The following PARVB variants were observed in gnomAD, a reference collection of about 807,000 sequenced individuals.
The protein encoded by PARVB is parvin beta.
Under a neutral mutation model 47.0 loss-of-function variants are expected in PARVB, and 46 were observed. That is an observed-to-expected ratio of 0.98 (90% CI 0.77 to 1.25). PARVB has a LOEUF of 1.25. Ranked by LOEUF, PARVB falls within the 50% of genes most tolerant of loss-of-function variation. The pLI, the probability that PARVB is intolerant of heterozygous loss-of-function variation, is 0.00. For synonymous variants in PARVB, 196 were observed against 196.3 expected (o/e 1.00, Z 0.01); for missense variants, 473 against 471.6 (o/e 1.00, Z -0.03).
chr22:44,119,726 G>T, intron 4 of PARVB: 1 of 509,442 alleles, frequency 2.0e-6, no homozygotes, highest in Non-Finnish European at 4.0e-6. Context: ...TGAAACAGAC[G>T]TGGTCCCTGT....
intron 1 of PARVB, among the ~76,000 whole-genome samples, chr22:44,056,184 G>A (rs2051307697): frequency 6.6e-6 from 1 of 152,248 alleles, no homozygotes; most frequent in Non-Finnish European, 1.5e-5. Context: ...CAGTAGCCTA[G>A]CTTTGGGGCA....
chr22:44,084,741 C>T (rs372239931), intron 1 of PARVB, among the ~76,000 whole-genome samples: 3 of 152,184 alleles, frequency 2.0e-5, no homozygotes, highest in East Asian at 3.9e-4. Context: ...ACTGTGTCCC[C>T]CGAGGCAGCC....
rs777649823 is a variant in PARVB at position 44,093,981 on chromosome 22, G to A, written c.166G>A (p.Ala56Thr). ...TGCCATCAACTCACCGATGTCCCCC[G>A]CCCTGGTGGATGTTCACCCTGAAGA... ...KNAINSPMSP[A>T]LVDVHPEDTQ... The change falls in exon 2 of 13, where the codon GCC becomes ACC. Residue 56 changes from alanine to threonine, a missense_variant. Transcript: ENST00000338758. 27 of 1,613,226 alleles carry A rather than the reference G, an allele frequency of 1.7e-5. No homozygotes were observed. Among genetic ancestry groups the A allele is most frequent in the South Asian group, 4.4e-5 (4 of 91,056 alleles).
rs1337043969 is a variant in PARVB, at chr22:44,114,388, A to G, written c.274-4650A>G. 2 of 141,254 alleles carry G rather than the reference A, an allele frequency of 1.4e-5. 1 individual carries two copies. Among genetic ancestry groups the G allele is most frequent in the East Asian group, 4.6e-4 (2 of 4,346 alleles). The allele number at this position is 141,254 out of a possible 1,614,324, so 8.8% of individuals were successfully genotyped here. ...ACTAACTAAGGCCCTGCACCAACAC[A>G]GATACATTGTTACTAAGGCCCTGCA... is the stretch of plus-strand genomic sequence containing the variant. On this transcript the variant is annotated intron_variant, in intron 3 of 12. Coordinates refer to ENST00000338758, the MANE Select transcript of PARVB (RefSeq NM_013327.5).
chr22:44,057,469 A>T (rs1666569819), intron 1 of PARVB, among the ~76,000 whole-genome samples: 1 of 151,916 alleles, frequency 6.6e-6, no homozygotes, highest in Admixed American at 6.6e-5. Context: ...GCCCGAGGAG[A>T]GCTGGGACGC....
At chr22:44,147,577 A>T in intron 8 of PARVB, 1 of 563,940 alleles carries the variant, frequency 1.8e-6, no homozygotes, top group South Asian at 1.6e-5. Context: ...GATGCCATCT[A>T]TGTGTTTCAT....
intron 1 of PARVB, among the ~76,000 whole-genome samples, chr22:44,035,895 C>G (rs1160387838): frequency 6.6e-6 from 1 of 151,902 alleles, no homozygotes; most frequent in Non-Finnish European, 1.5e-5. Context: ...AATGCAATAG[C>G]AACAGGAGGC....
chr22:44,017,063 T>C (rs2050590970), intron 2 of PARVB, among the ~76,000 whole-genome samples: 1 of 151,890 alleles, frequency 6.6e-6, no homozygotes, highest in Non-Finnish European at 1.5e-5. Flanking sequence ...TTAGTAGAGA[T>C]GGGGTTTCGC....
intron 1 of PARVB, among the ~76,000 whole-genome samples, chr22:44,043,705 T>C (rs1372426717): frequency 3.3e-5 from 5 of 152,072 alleles, no homozygotes; most frequent in African/African-American, 1.2e-4. Context: ...CGGCAAATTG[T>C]ATGGAATGTG....
intron 7 of PARVB, chr22:44,139,714 G>A (rs2053512739): frequency 1.0e-5 from 2 of 192,154 alleles, no homozygotes; most frequent in South Asian, 2.3e-4. Context: ...GCCCCTCAAA[G>A]TGCTGGGATT....
intron 8 of PARVB, chr22:44,146,332 C>CACACACGCAT (rs1169698604): frequency 2.3e-5 from 1 of 44,420 alleles, no homozygotes; most frequent in East Asian, 3.5e-3. Flanking sequence ...CACATGTGCT[C>CACACACGCAT]ACGTGCACAC....
chr22:44,085,939 G>A (rs1260977474), intron 1 of PARVB, among the ~76,000 whole-genome samples: 3 of 152,142 alleles, frequency 2.0e-5, no homozygotes, highest in African/African-American at 7.2e-5. Context: ...GACCTTCTTT[G>A]GATTTACCTT....
chr22:44,098,255 C>T (rs1047846953), intron 2 of PARVB, among the ~76,000 whole-genome samples: 1 of 152,204 alleles, frequency 6.6e-6, no homozygotes, highest in South Asian at 2.1e-4. Context: ...CACGGCCTGG[C>T]CCTGCTCCTT....
chr22:44,040,714 A>G (rs2051002677), intron 1 of PARVB, among the ~76,000 whole-genome samples: 1 of 152,228 alleles, frequency 6.6e-6, no homozygotes, highest in African/African-American at 2.4e-5. Flanking sequence ...ACCACAAGAT[A>G]GAAATTTGTG....
chr22:44,051,143 T>C (rs2051200717), intron 1 of PARVB, among the ~76,000 whole-genome samples: 1 of 152,182 alleles, frequency 6.6e-6, no homozygotes, highest in Non-Finnish European at 1.5e-5. Context: ...ACAGAGTAGT[T>C]AGGCAGCCGT....
At position 44,011,898 on chromosome 22, in the gene PARVB, G is replaced by A. The variant is rs1346263944; in HGVS notation, c.211+12225G>A. ...CCCCTCACTGCTCTCAAATTGGGTGGGAGGAGAAAATAAAAACCTTTCATT... is the reference window on the plus strand; with the variant it reads ...CCCCTCACTGCTCTCAAATTGGGTGAGAGGAGAAAATAAAAACCTTTCATT... On this transcript the variant is annotated intron_variant, in intron 2 of 13. Transcript: ENST00000406477. 2.0e-5 allele frequency among the ~76,000 whole-genome samples: 3 copies of A among 152,090 alleles called. No individual in the cohort carries two copies. The East Asian group carries it at 5.8e-4, about 29-fold the overall frequency.
intron 1 of PARVB, among the ~76,000 whole-genome samples, chr22:44,056,750 C>T (rs2051319546): frequency 6.6e-6 from 1 of 151,860 alleles, no homozygotes; most frequent in Admixed American, 6.6e-5. Context: ...AAGTGATCCT[C>T]CTGCCTCAGC....
chr22:44,050,582 C>A (rs1247101597), intron 1 of PARVB, among the ~76,000 whole-genome samples: 1 of 152,154 alleles, frequency 6.6e-6, no homozygotes, highest in Non-Finnish European at 1.5e-5. Flanking sequence ...AGGTGATCCT[C>A]CCACCTCAGC....
Position 44,103,118 on chromosome 22 carries a change from G to A in PARVB, c.273+2995G>A, listed in dbSNP as rs1486207813. The A allele has an allele frequency of 2.0e-5, 3 of 152,312 alleles. No individual in the cohort carries two copies. The highest frequency in any genetic ancestry group is 4.4e-5 in the Non-Finnish European group (3 of 68,132). The allele number at this position is 152,312 out of a possible 1,614,324, so 9.4% of individuals were successfully genotyped here. On this transcript the variant is annotated intron_variant, in intron 3 of 12. Coordinates refer to ENST00000338758, the MANE Select transcript of PARVB (RefSeq NM_013327.5). The surrounding 1 kb of genome is among the most constrained non-coding windows in gnomAD (Gnocchi z 4.6). ...TGCCAAAGACCCCCAGGCTGTTTTG[G>A]CCTTGGTGGGGCGAGGGCTGGCTGC...
Sources: gnomAD v4.1 joint callset for allele counts (sites outside exome capture counted in the v4.1 genomes callset) on GRCh38, gnomAD v4.1.1 for gene constraint, Gnocchi (gnomAD v3.1) non-coding constraint, MANE v1.5 for transcripts, NCBI Gene and HGNC (gene_info 2026-07-23, HGNC 2026-07-21) for gene names.